Variants in ARL14EPL observed in about 807,000 individuals in gnomAD.
The protein encoded by ARL14EPL is ARF like GTPase 14 effector protein like.
A neutral mutation model predicts 15.9 loss-of-function variants in ARL14EPL; 17 were observed. The ratio of observed to expected loss-of-function variants is 1.07; its 90% CI spans 0.73 to 1.60. ARL14EPL has a LOEUF of 1.60. Among genes scored for constraint, ARL14EPL ranks in the 40% most tolerant of loss-of-function variants. The probability of loss-of-function intolerance (pLI) is 0.00; values close to 1 mark genes in which losing one functional copy is unlikely to be tolerated. For missense variants in ARL14EPL, 214 were observed against 185.9 expected (o/e 1.15, Z -0.88); for synonymous variants, 78 against 63.8 (o/e 1.22, Z -1.06).
chr5:116,048,609 C>T (rs1165189591), intron 1 of ARL14EPL, among the ~76,000 whole-genome samples: 1 of 152,130 alleles, frequency 6.6e-6, no homozygotes, highest in African/African-American at 2.4e-5. Context: ...GATCTAGTAG[C>T]ATGTCTAAGA....
intron 2 of ARL14EPL, among the ~76,000 whole-genome samples, chr5:116,052,883 T>A (rs1749419409): frequency 6.6e-6 from 1 of 152,222 alleles, no homozygotes; most frequent in Non-Finnish European, 1.5e-5. Flanking sequence ...TATGTTTTTG[T>A]GCTTCTGAGA....
At chr5:116,034,114 G>A (rs1749007007) in intron 1 of ARL14EPL, among the ~76,000 whole-genome samples, 1 of 152,186 alleles carries the variant, frequency 6.6e-6, no homozygotes, top group Admixed American at 6.5e-5. Context: ...GGGGCTCTAA[G>A]CATGGGGTTT....
Position 116,058,976 on chromosome 5 carries a change from C to G in ARL14EPL, c.*29C>G. 1 of 1,520,916 alleles carries G rather than the reference C, an allele frequency of 6.6e-7. No individual in the cohort carries two copies. Among genetic ancestry groups the G allele is most frequent in the Non-Finnish European group, 8.8e-7 (1 of 1,133,578 alleles). 94.2% of individuals were successfully genotyped at this position (1,520,916 alleles called of 1,614,324 possible). ...CTCTTGTATATGGACTGATTTGTTT[C>G]TTCTTCTTACACATTTAAGTTGACC... On this transcript the variant is annotated 3_prime_UTR_variant, in exon 4 of 4. Transcript: ENST00000686077.
At chr5:116,055,753 T>C (rs1047375301) in intron 3 of ARL14EPL, among the ~76,000 whole-genome samples, 5 of 152,072 alleles carry the variant, frequency 3.3e-5, no homozygotes, top group Admixed American at 6.6e-5. Flanking sequence ...ACCCATTAAC[T>C]CCTCATTTAC....
At chr5:116,054,279 A>G (rs576423607) in intron 3 of ARL14EPL, 126 bp downstream of exon 3, 15 of 1,089,474 alleles carry the variant, frequency 1.4e-5, no homozygotes, top group Admixed American at 5.9e-5. Flanking sequence ...CTGAAATATA[A>G]TAGTACCCAT....
At chr5:116,039,731 A>G (rs1048157627) in intron 1 of ARL14EPL, among the ~76,000 whole-genome samples, 3 of 152,216 alleles carry the variant, frequency 2.0e-5, no homozygotes, top group African/African-American at 7.2e-5. Context: ...GAAGATGAGA[A>G]ATCTCTGAGA....
At chr5:116,034,859 G>C (rs1416561304) in intron 1 of ARL14EPL, among the ~76,000 whole-genome samples, 1 of 152,098 alleles carries the variant, frequency 6.6e-6, no homozygotes, top group East Asian at 1.9e-4. Flanking sequence ...TTAGAGAAGT[G>C]AAAAAACAAA....
At chr5:116,041,779 G>A (rs1036947367) in intron 1 of ARL14EPL, among the ~76,000 whole-genome samples, 3 of 151,878 alleles carry the variant, frequency 2.0e-5, no homozygotes, top group Admixed American at 6.6e-5. Context: ...GTTTTTCCCC[G>A]TGCATTTTTC....
chr5:116,043,858 A>G (rs1749213631), intron 1 of ARL14EPL, among the ~76,000 whole-genome samples: 1 of 152,060 alleles, frequency 6.6e-6, no homozygotes, highest in Admixed American at 6.6e-5. Flanking sequence ...TTTTTGTTGT[A>G]TTTCAGTGTT....
intron 1 of ARL14EPL, among the ~76,000 whole-genome samples, chr5:116,039,154 G>T (rs1451915303): frequency 3.9e-5 from 6 of 152,134 alleles, no homozygotes; most frequent in African/African-American, 1.4e-4. Flanking sequence ...GTAAGCCTGG[G>T]GCAGAAGGTC....
At chr5:116,051,836 C>A in intron 2 of ARL14EPL, 2 of 1,043,348 alleles carry the variant, frequency 1.9e-6, no homozygotes, top group African/African-American at 1.6e-5. Flanking sequence ...TATATACAAA[C>A]GTTTTTATTT....
chr5:116,050,816 T>TCTCTCTCTC (rs1561579525), intron 1 of ARL14EPL, among the ~76,000 whole-genome samples: 10 of 81,556 alleles, frequency 1.2e-4, no homozygotes, highest in South Asian at 4.2e-4. Flanking sequence ...CTCTCTCTCT[T>TCTCTCTCTC]ACACACACAC....
chr5:116,057,477 A>G (rs1349936865), intron 3 of ARL14EPL, among the ~76,000 whole-genome samples: 1 of 152,076 alleles, frequency 6.6e-6, no homozygotes, highest in East Asian at 1.9e-4. Context: ...ACACAGGAGA[A>G]TATTTGAGTT....
At chr5:116,047,037 C>G (rs923647225) in intron 1 of ARL14EPL, among the ~76,000 whole-genome samples, 5 of 152,268 alleles carry the variant, frequency 3.3e-5, no homozygotes, top group East Asian at 3.9e-4. Flanking sequence ...AAGAGCCTGA[C>G]CAAAAGCTGA....
intron 1 of ARL14EPL, among the ~76,000 whole-genome samples, chr5:116,040,599 A>C (rs1182204106): frequency 6.6e-6 from 1 of 151,282 alleles, no homozygotes; most frequent in Non-Finnish European, 1.5e-5. Flanking sequence ...AATAGTAAAT[A>C]TAATAGTAAT....
intron 1 of ARL14EPL, among the ~76,000 whole-genome samples, chr5:116,034,660 C>T (rs1258601424): frequency 6.7e-6 from 1 of 149,474 alleles, no homozygotes; most frequent in Non-Finnish European, 1.5e-5. Flanking sequence ...AATTCTTCTA[C>T]CTGCTGAGTG....
chr5:116,040,938 C>T (rs1390692261), intron 1 of ARL14EPL, among the ~76,000 whole-genome samples: 2 of 124,902 alleles, frequency 1.6e-5, no homozygotes, highest in African/African-American at 6.1e-5. Flanking sequence ...TGAAATAGCG[C>T]CACTGCACTC....
chr5:116,051,892 A>T, intron 2 of ARL14EPL: 1 of 1,375,008 alleles, frequency 7.3e-7, no homozygotes, highest in Non-Finnish European at 1.0e-6. Flanking sequence ...TTCCAAATGT[A>T]CAGCTGGTTG....
intron 1 of ARL14EPL, among the ~76,000 whole-genome samples, chr5:116,048,692 T>C (rs1446297018): frequency 6.6e-6 from 1 of 152,116 alleles, no homozygotes; most frequent in Non-Finnish European, 1.5e-5. Flanking sequence ...GTGGGATCCC[T>C]CGACCAAAGT....
Sources: allele counts gnomAD v4.1 joint callset (sites outside exome capture counted in the v4.1 genomes callset), GRCh38; gene constraint gnomAD v4.1.1; transcripts MANE v1.5; gene names NCBI Gene and HGNC (gene_info 2026-07-23, HGNC 2026-07-21).